Variants in SPIDR observed in about 807,000 individuals in gnomAD.
The protein encoded by SPIDR is DNA repair-scaffolding protein.
A neutral mutation model predicts 104.6 loss-of-function variants in SPIDR; 93 were observed. The ratio of observed to expected loss-of-function variants is 0.89; its 90% CI spans 0.75 to 1.06. The LOEUF (loss-of-function observed/expected upper bound fraction) is 1.06, where lower values mean the gene tolerates loss of function less well. Among genes scored for constraint, SPIDR ranks in the 50% least tolerant of loss-of-function variants. The probability of loss-of-function intolerance (pLI) is 0.00; values close to 1 mark genes in which losing one functional copy is unlikely to be tolerated. For synonymous variants in SPIDR, 431 were observed against 416.9 expected, an observed-to-expected ratio of 1.03 and a Z score of -0.41; for missense variants, 1,154 against 1,111.2, an observed-to-expected ratio of 1.04 and a Z score of -0.55.
At chr8:47,519,355 G>C (rs2083666789) in intron 8 of SPIDR, among the ~76,000 whole-genome samples, 1 of 152,154 alleles carries the variant, frequency 6.6e-6, no homozygotes, top group South Asian at 2.1e-4. Flanking sequence ...ATGTTAGCCA[G>C]GTTGGTCTCA....
intron 8 of SPIDR, among the ~76,000 whole-genome samples, chr8:47,542,011 C>A (rs2088267319): frequency 6.6e-6 from 1 of 152,066 alleles, no homozygotes; most frequent in African/African-American, 2.4e-5. Flanking sequence ...CTGAAAGTCC[C>A]CCAGGCACAT....
At chr8:47,717,482 A>G (rs1486288495) in intron 16 of SPIDR, among the ~76,000 whole-genome samples, 24 of 152,228 alleles carry the variant, frequency 1.6e-4, no homozygotes, top group Admixed American at 1.1e-3. Context: ...AACCCCAAGG[A>G]GGGTTTCCCT....
intron 10 of SPIDR, among the ~76,000 whole-genome samples, chr8:47,613,072 TG>T (rs768547250): frequency 3.3e-4 from 50 of 152,346 alleles, no homozygotes; most frequent in Admixed American, 7.2e-4. Context: ...TTCACAATGC[TG>T]TACTACCAAC....
At chr8:47,433,009 G>C (rs1377959490) in intron 7 of SPIDR, among the ~76,000 whole-genome samples, 1 of 152,146 alleles carries the variant, frequency 6.6e-6, no homozygotes, top group African/African-American at 2.4e-5. Flanking sequence ...CTTGATACCA[G>C]TATTCTCATA....
At chr8:47,661,626 C>T (rs2074120373) in intron 10 of SPIDR, among the ~76,000 whole-genome samples, 1 of 152,244 alleles carries the variant, frequency 6.6e-6, no homozygotes, top group South Asian at 2.1e-4. Context: ...TACTAAGGAT[C>T]GTGCTGGTGT....
intron 11 of SPIDR, 100 bp from the exon 12 acceptor site, chr8:47,700,303 C>A: frequency 8.4e-7 from 1 of 1,193,588 alleles, no homozygotes; most frequent in Non-Finnish European, 1.3e-6. Flanking sequence ...AGTTCCATGG[C>A]CTTAGGCATT....
chr8:47,639,242 G>A (rs2068457752), intron 10 of SPIDR, among the ~76,000 whole-genome samples: 1 of 152,168 alleles, frequency 6.6e-6, no homozygotes, highest in South Asian at 2.1e-4. Context: ...TGTATGTGTG[G>A]CTCCCATGGA....
intron 7 of SPIDR, among the ~76,000 whole-genome samples, chr8:47,439,104 A>G (rs1026301954): frequency 2.0e-5 from 3 of 152,168 alleles, no homozygotes; most frequent in Admixed American, 6.5e-5. Flanking sequence ...ATAGAAACAC[A>G]TAAGCATGCT....
intron 8 of SPIDR, among the ~76,000 whole-genome samples, chr8:47,584,654 A>G (rs1395593603): frequency 6.6e-6 from 1 of 152,214 alleles, no homozygotes; most frequent in Non-Finnish European, 1.5e-5. Flanking sequence ...CTAAATACAC[A>G]CATACACTTT....
At chr8:47,344,473 G>C (rs1554616208) in intron 5 of SPIDR, among the ~76,000 whole-genome samples, 1 of 152,058 alleles carries the variant, frequency 6.6e-6, no homozygotes, top group African/African-American at 2.4e-5. Context: ...TAATCCTTTG[G>C]GTATATACCC....
At chr8:47,283,786 T>C (rs1285003106) in intron 2 of SPIDR, among the ~76,000 whole-genome samples, 2 of 152,158 alleles carry the variant, frequency 1.3e-5, no homozygotes, top group Non-Finnish European at 2.9e-5. Context: ...TGAGCAGATA[T>C]TACACTGAAT....
At chr8:47,574,687 G>C (rs2058875524) in intron 8 of SPIDR, among the ~76,000 whole-genome samples, 1 of 152,008 alleles carries the variant, frequency 6.6e-6, no homozygotes, top group South Asian at 2.1e-4. Flanking sequence ...TCTGGAGGCT[G>C]AGGCAGGAGA....
intron 10 of SPIDR, among the ~76,000 whole-genome samples, chr8:47,653,178 G>A (rs1473543365): frequency 6.6e-6 from 1 of 152,192 alleles, no homozygotes; most frequent in Admixed American, 6.5e-5. Context: ...CTGAAAGCCT[G>A]TGTGACTCTT....
intron 10 of SPIDR, among the ~76,000 whole-genome samples, chr8:47,667,377 C>T (rs1360211225): frequency 6.8e-6 from 1 of 146,850 alleles, no homozygotes; most frequent in Non-Finnish European, 1.5e-5. Flanking sequence ...GCAGAAGGAT[C>T]GCAAGAGGCC....
intron 11 of SPIDR, among the ~76,000 whole-genome samples, chr8:47,698,707 T>G (rs2079694468): frequency 6.6e-6 from 1 of 152,240 alleles, no homozygotes. Context: ...AACGCTAGTT[T>G]CTCAGGACAT....
At chr8:47,719,142 T>C (rs896502361) in intron 16 of SPIDR, among the ~76,000 whole-genome samples, 4 of 152,096 alleles carry the variant, frequency 2.6e-5, no homozygotes, top group Non-Finnish European at 5.9e-5. Context: ...TTAGTAAATG[T>C]CCTAGGAACC....
At chr8:47,639,643 A>G (rs529829544) in intron 10 of SPIDR, among the ~76,000 whole-genome samples, 1 of 152,326 alleles carries the variant, frequency 6.6e-6, no homozygotes, top group African/African-American at 2.4e-5. Flanking sequence ...TTTCTATCCA[A>G]CTTAAACAGA....
intron 8 of SPIDR, among the ~76,000 whole-genome samples, chr8:47,505,195 G>C (rs1049238220): frequency 1.3e-5 from 2 of 152,182 alleles, no homozygotes; most frequent in African/African-American, 4.8e-5. Flanking sequence ...AAAGGATTCT[G>C]CTGTCTTTTG....
intron 8 of SPIDR, chr8:47,511,497 C>A: frequency 2.6e-6 from 2 of 779,092 alleles, no homozygotes; most frequent in Non-Finnish European, 4.7e-6. Context: ...CTGGCACCTC[C>A]CTTCTGTGGA....
Sources: gnomAD v4.1 joint callset for allele counts (sites outside exome capture counted in the v4.1 genomes callset) on GRCh38, gnomAD v4.1.1 for gene constraint, MANE v1.5 for transcripts, NCBI Gene and HGNC (gene_info 2026-07-23, HGNC 2026-07-21) for gene names.